The following SDK1 variants were observed in gnomAD, a reference collection of about 807,000 sequenced individuals.
SDK1 encodes the protein protein sidekick-1.
A neutral mutation model predicts 245.5 loss-of-function variants in SDK1; 157 were observed. That is an observed-to-expected ratio of 0.64 (90% CI 0.56 to 0.73). The LOEUF (loss-of-function observed/expected upper bound fraction) is 0.73. SDK1 is among the 30% of genes least tolerant of loss of function. SDK1 has a pLI of 0.00. For synonymous variants in SDK1, 1,647 were observed against 1,278.5 expected, an observed-to-expected ratio of 1.29 and a Z score of -6.15; for missense variants, 3,583 against 3,002.3, an observed-to-expected ratio of 1.19 and a Z score of -4.52.
intron 5 of SDK1, among the ~76,000 whole-genome samples, chr7:3,859,215 G>T (rs1428616908): frequency 6.6e-6 from 1 of 152,102 alleles, no homozygotes; most frequent in Non-Finnish European, 1.5e-5. Flanking sequence ...AAAGGGCTCG[G>T]CAGGTGATGG....
intron 1 of SDK1, among the ~76,000 whole-genome samples, chr7:3,449,955 C>G (rs1365248053): frequency 3.3e-5 from 5 of 152,162 alleles, no homozygotes; most frequent in Non-Finnish European, 7.3e-5. Context: ...GGGGAACACA[C>G]AAATCAGACT....
At chr7:4,155,466 G>A (rs541425215) in intron 30 of SDK1, among the ~76,000 whole-genome samples, 1 of 152,338 alleles carries the variant, frequency 6.6e-6, no homozygotes, top group African/African-American at 2.4e-5. Flanking sequence ...GGACAGTGGA[G>A]AAAGAGGGGT....
At chr7:4,107,330 C>T (rs942993749) in intron 22 of SDK1, among the ~76,000 whole-genome samples, 15 of 152,046 alleles carry the variant, frequency 9.9e-5, no homozygotes, top group South Asian at 8.3e-4. Flanking sequence ...AGGAGGCTGC[C>T]GGGAAAAGCG....
chr7:3,814,558 C>G (rs1323111532), intron 4 of SDK1, among the ~76,000 whole-genome samples: 1 of 151,668 alleles, frequency 6.6e-6, no homozygotes, highest in African/African-American at 2.4e-5. Flanking sequence ...ATGCCTCCAG[C>G]TTTGTTCTTT....
intron 14 of SDK1, among the ~76,000 whole-genome samples, chr7:3,999,973 A>C (rs1435070418): frequency 1.3e-5 from 2 of 152,152 alleles, no homozygotes; most frequent in Non-Finnish European, 2.9e-5. Context: ...GAGCTAGGCA[A>C]GGTGGTGTGA....
chr7:3,731,758 C>T (rs538272659), intron 4 of SDK1, among the ~76,000 whole-genome samples: 1 of 152,212 alleles, frequency 6.6e-6, no homozygotes, highest in African/African-American at 2.4e-5. Context: ...AAAAAATTCT[C>T]CATGGAGAAG....
intron 1 of SDK1, among the ~76,000 whole-genome samples, chr7:3,585,522 A>T (rs1259174826): frequency 6.6e-6 from 1 of 152,196 alleles, no homozygotes; most frequent in Non-Finnish European, 1.5e-5. Flanking sequence ...TGGTAGCTGG[A>T]GGAGTGGAGT....
At chr7:4,227,155 A>G in intron 40 of SDK1, 1 of 294,070 alleles carries the variant, frequency 3.4e-6, no homozygotes, top group South Asian at 3.2e-5. Flanking sequence ...GAAAATCAGT[A>G]TTTCTCTGAA....
intron 13 of SDK1, among the ~76,000 whole-genome samples, chr7:3,985,555 G>C (rs1192436062): frequency 1.3e-5 from 2 of 152,206 alleles, no homozygotes; most frequent in East Asian, 1.9e-4. Context: ...GAGAGGCCGA[G>C]GTTGGGGAGG....
At chr7:4,224,982 CAAAAAAAAAAAAAAAAAAA>C (rs3038664) in intron 40 of SDK1, among the ~76,000 whole-genome samples, 31 of 43,748 alleles carry the variant, frequency 7.1e-4, no homozygotes, top group African/African-American at 1.3e-3. Context: ...GACTCTGTCT[CAAAAAAAAAAAAAAAAAAA>C]AAAAAAAAAA....
chr7:3,742,535 T>G (rs1030632259), intron 4 of SDK1, among the ~76,000 whole-genome samples: 3 of 152,182 alleles, frequency 2.0e-5, no homozygotes, highest in African/African-American at 7.2e-5. Context: ...CATATTTGCC[T>G]TCATACAGTC....
At chr7:3,486,764 G>A (rs1354844261) in intron 1 of SDK1, among the ~76,000 whole-genome samples, 1 of 151,808 alleles carries the variant, frequency 6.6e-6, no homozygotes, top group Admixed American at 6.6e-5. Flanking sequence ...TAAAAGATTT[G>A]GAAGACTTGT....
chr7:3,359,650 C>T (rs1780899891), intron 1 of SDK1, among the ~76,000 whole-genome samples: 1 of 152,172 alleles, frequency 6.6e-6, no homozygotes, highest in African/African-American at 2.4e-5. Context: ...TGCTGACATT[C>T]CACTCCAGGA....
At chr7:3,772,731 C>T (rs1383160501) in intron 4 of SDK1, among the ~76,000 whole-genome samples, 1 of 152,126 alleles carries the variant, frequency 6.6e-6, no homozygotes, top group Non-Finnish European at 1.5e-5. Flanking sequence ...CAGAAGGGCT[C>T]CTTTTAGCAT....
intron 4 of SDK1, among the ~76,000 whole-genome samples, chr7:3,669,675 G>A (rs1238386548): frequency 6.6e-6 from 1 of 151,992 alleles, no homozygotes; most frequent in African/African-American, 2.4e-5. Flanking sequence ...CCCTCCTTAG[G>A]TAAGTTCATC....
chr7:4,259,288 A>C (rs1277360447), intron 44 of SDK1, among the ~76,000 whole-genome samples: 1 of 152,066 alleles, frequency 6.6e-6, no homozygotes, highest in African/African-American at 2.4e-5. Flanking sequence ...AAAATACAAA[A>C]ATTAGCCAGG....
At position 3,658,917 on chromosome 7, in the gene SDK1, C is replaced by A. The variant is rs545513492; in HGVS notation, c.713+16812C>A. Among the ~76,000 whole-genome samples, 3 of 152,208 alleles carry A rather than the reference C, an allele frequency of 2.0e-5. No homozygotes were observed. In the East Asian group the frequency reaches 5.8e-4, roughly 29 times the overall value. Reference sequence around the variant, plus strand: ...ACAGGTGTGAGCCACCATGCCTGGCCCATCACCACTATCTAACAGAATATT... The same window carrying A: ...ACAGGTGTGAGCCACCATGCCTGGCACATCACCACTATCTAACAGAATATT... On this transcript the variant is annotated intron_variant, in intron 4 of 44. Transcript: ENST00000404826.
chr7:4,241,760 C>G, intron 42 of SDK1, 33 bp from the exon 43 acceptor site: 1 of 1,613,192 alleles, frequency 6.2e-7, no homozygotes, highest in Non-Finnish European at 8.5e-7. Context: ...ACACCAGTAA[C>G]ACGTCTGTTC....
intron 28 of SDK1, among the ~76,000 whole-genome samples, chr7:4,134,043 T>C (rs911209829): frequency 2.6e-5 from 4 of 152,156 alleles, no homozygotes; most frequent in Admixed American, 6.5e-5. Context: ...GTGGGAAAGC[T>C]GCGCAATCAG....
Sources: allele counts gnomAD v4.1 joint callset (sites outside exome capture counted in the v4.1 genomes callset), GRCh38; gene constraint gnomAD v4.1.1; transcripts MANE v1.5; gene names NCBI Gene and HGNC (gene_info 2026-07-23, HGNC 2026-07-21).